The following FHL2 variants were observed in gnomAD, a reference collection of about 807,000 sequenced individuals.
FHL2 encodes the protein four and a half LIM domains protein 2.
FHL2 carries 20 observed loss-of-function variants against 32.7 expected under a neutral mutation model. That is an observed-to-expected ratio of 0.61 (90% CI 0.43 to 0.89). The LOEUF (loss-of-function observed/expected upper bound fraction) is 0.89. Among genes scored for constraint, FHL2 ranks in the 40% least tolerant of loss-of-function variants. FHL2 has a pLI of 0.00. For missense variants in FHL2, 311 were observed against 358.6 expected (o/e 0.87, Z 1.07); for synonymous variants, 123 against 128.1 (o/e 0.96, Z 0.27).
intron 2 of FHL2, among the ~76,000 whole-genome samples, chr2:105,388,873 T>G (rs905084047): frequency 6.6e-6 from 1 of 152,040 alleles, no homozygotes; most frequent in Non-Finnish European, 1.5e-5. Context: ...TATGTAACTC[T>G]GAGCAAGAGT....
At chr2:105,393,046 A>G (rs1682844619) in intron 2 of FHL2, among the ~76,000 whole-genome samples, 2 of 151,636 alleles carry the variant, frequency 1.3e-5, no homozygotes, top group South Asian at 4.2e-4. Context: ...CATGACAGAC[A>G]GCCTCCCTTG....
At chr2:105,370,152 C>G (rs916064328) in intron 4 of FHL2, among the ~76,000 whole-genome samples, 5 of 152,196 alleles carry the variant, frequency 3.3e-5, no homozygotes, top group African/African-American at 9.6e-5. Context: ...GGCGGGAGAT[C>G]TCTTGAGCCC....
intron 4 of FHL2, among the ~76,000 whole-genome samples, chr2:105,372,419 G>A (rs527524052): frequency 5.3e-5 from 8 of 152,114 alleles, no homozygotes; most frequent in Non-Finnish European, 8.8e-5. Context: ...TAGAGACAGC[G>A]TTTTACCATG....
intron 2 of FHL2, among the ~76,000 whole-genome samples, chr2:105,391,164 T>C (rs1682703193): frequency 6.6e-6 from 1 of 152,156 alleles, no homozygotes; most frequent in African/African-American, 2.4e-5. Flanking sequence ...GCTCATTCAT[T>C]CACTGAATAA....
At chr2:105,388,263 A>G (rs1229850650) in intron 2 of FHL2, among the ~76,000 whole-genome samples, 1 of 152,116 alleles carries the variant, frequency 6.6e-6, no homozygotes, top group Non-Finnish European at 1.5e-5. Flanking sequence ...CCTAAAATAA[A>G]AGTTTAAAAT....
intron 1 of FHL2, among the ~76,000 whole-genome samples, chr2:105,404,317 A>T (rs187954234): frequency 6.6e-6 from 1 of 152,286 alleles, no homozygotes; most frequent in Non-Finnish European, 1.5e-5. Context: ...ATTGCCTCAC[A>T]TGGTTGGAAG....
At position 105,406,530 on chromosome 2, in the gene FHL2, T is replaced by A. The variant is rs568681739; in HGVS notation, c.-24-19990A>T. ...TTTGGCACATGGCTGTAATGTAATC[T>A]AGCTTCCCAGCCATTGCTAACACTT... On this transcript the variant is annotated intron_variant, in intron 1 of 5. Transcript: ENST00000393352. Among the ~76,000 whole-genome samples the A allele has an allele frequency of 2.0e-5, 3 of 151,836 alleles. No homozygotes were observed. In the South Asian group the frequency reaches 6.3e-4, roughly 32 times the overall value.
intron 1 of FHL2, among the ~76,000 whole-genome samples, chr2:105,433,508 C>T (rs907800173): frequency 7.2e-5 from 11 of 152,108 alleles, no homozygotes; most frequent in Admixed American, 4.6e-4. Flanking sequence ...GTCCTTTCTC[C>T]GTTGTGGAGA....
chr2:105,416,850 C>T (rs576572191), intron 1 of FHL2, among the ~76,000 whole-genome samples: 7 of 152,336 alleles, frequency 4.6e-5, no homozygotes, highest in Admixed American at 2.0e-4. Flanking sequence ...AAAACAAATA[C>T]TGTCAGTTGT....
At chr2:105,425,903 G>T (rs532868934) in intron 1 of FHL2, among the ~76,000 whole-genome samples, 133 of 152,248 alleles carry the variant, frequency 8.7e-4, no homozygotes, top group Non-Finnish European at 1.6e-3. Flanking sequence ...TCAGAGGCCG[G>T]TGCCGGTGCA....
rs74568874 is a variant in FHL2, at chr2:105,395,466, T to C, written c.-25+1181A>G. On this transcript the variant is annotated intron_variant, in intron 2 of 6. Coordinates refer to ENST00000530340, the MANE Select transcript of FHL2 (RefSeq NM_001318895.3). ...CTCTCCCAGCTATCTGAGGTGCCTA[T>C]GACCCCCACCCCCATGCTGGCCTTT... Among the ~76,000 whole-genome samples, 410 of 152,298 alleles carry C rather than the reference T, an allele frequency of 2.7e-3. 5 individuals carry two copies. The highest frequency in any genetic ancestry group is 2.9e-3 in the East Asian group (15 of 5,178).
At chr2:105,392,481 C>T (rs1239342906) in intron 2 of FHL2, among the ~76,000 whole-genome samples, 3 of 151,282 alleles carry the variant, frequency 2.0e-5, no homozygotes, top group Non-Finnish European at 4.4e-5. Context: ...CAGACCATGT[C>T]TCCAAAGAAA....
chr2:105,392,847 T>C (rs1682828041), intron 2 of FHL2, among the ~76,000 whole-genome samples: 1 of 130,726 alleles, frequency 7.6e-6, no homozygotes, highest in African/African-American at 2.9e-5. Flanking sequence ...CTTGAGACAG[T>C]GTCACTCTAT....
intron 3 of FHL2, among the ~76,000 whole-genome samples, chr2:105,382,531 C>T (rs1225845364): frequency 6.6e-6 from 1 of 152,222 alleles, no homozygotes; most frequent in Non-Finnish European, 1.5e-5. Flanking sequence ...AAAAAAGTTC[C>T]TACCTATAGG....
intron 2 of FHL2, among the ~76,000 whole-genome samples, chr2:105,395,543 C>T (rs1016053416): frequency 6.6e-6 from 1 of 152,218 alleles, no homozygotes; most frequent in African/African-American, 2.4e-5. Flanking sequence ...CTTCTCACTG[C>T]AGTCCTGCCA....
At chr2:105,406,571 C>G (rs1345428315) in intron 1 of FHL2, among the ~76,000 whole-genome samples, 1 of 151,690 alleles carries the variant, frequency 6.6e-6, no homozygotes, top group African/African-American at 2.4e-5. Flanking sequence ...ACTCAGTTCT[C>G]TGTCTCACGC....
chr2:105,411,970 C>T (rs1048189321), intron 1 of FHL2, among the ~76,000 whole-genome samples: 2 of 152,120 alleles, frequency 1.3e-5, no homozygotes, highest in African/African-American at 4.8e-5. Flanking sequence ...TCCATCCCTT[C>T]TAAGGGTTAA....
chr2:105,431,301 C>T (rs1459629152), intron 1 of FHL2, among the ~76,000 whole-genome samples: 1 of 152,116 alleles, frequency 6.6e-6, no homozygotes, highest in Non-Finnish European at 1.5e-5. Flanking sequence ...CATTGGAGTT[C>T]ACATTTTATT....
intron 1 of FHL2, among the ~76,000 whole-genome samples, chr2:105,398,241 C>T (rs528403017): frequency 2.0e-5 from 3 of 152,194 alleles, no homozygotes; most frequent in Non-Finnish European, 4.4e-5. Context: ...ATATTTTCTT[C>T]CCTCTATTTC....
Sources: allele counts gnomAD v4.1 joint callset (sites outside exome capture counted in the v4.1 genomes callset), GRCh38; gene constraint gnomAD v4.1.1; transcripts MANE v1.5; gene names NCBI Gene and HGNC (gene_info 2026-07-23, HGNC 2026-07-21).